QTMAN: variants seen among roughly 807,000 people sequenced by gnomAD.
The protein encoded by QTMAN is queuosine-tRNA mannosyltransferase.
the QTMAN span, among the ~76,000 whole-genome samples, chr2:144,318,393 A>C: frequency 6.6e-6 from 1 of 152,240 alleles, no homozygotes; most frequent in Non-Finnish European, 1.5e-5. Flanking sequence ...AGAATCCAGA[A>C]CATCCCTTTC....
the QTMAN span, among the ~76,000 whole-genome samples, chr2:144,244,333 G>A: frequency 6.6e-6 from 1 of 152,180 alleles, no homozygotes; most frequent in Non-Finnish European, 1.5e-5. Context: ...GGGCAGGTGT[G>A]CTGATCTCTA....
chr2:144,222,830 A>G, the QTMAN span, among the ~76,000 whole-genome samples: 1 of 152,156 alleles, frequency 6.6e-6, no homozygotes, highest in African/African-American at 2.4e-5. Flanking sequence ...AGAAAGCTGG[A>G]AAATGTTATT....
the QTMAN span, among the ~76,000 whole-genome samples, chr2:144,027,976 G>A: frequency 9.2e-5 from 14 of 152,138 alleles, no homozygotes; most frequent in East Asian, 9.6e-4. Flanking sequence ...TGTGGGGGCC[G>A]TTAGTATCTA....
the QTMAN span, among the ~76,000 whole-genome samples, chr2:144,165,871 C>T: frequency 3.9e-5 from 6 of 152,106 alleles, no homozygotes; most frequent in East Asian, 1.9e-4. Context: ...GTCCCTTCAA[C>T]GTCATCCTTA....
At chr2:144,197,854 T>A in the QTMAN span, among the ~76,000 whole-genome samples, 1 of 152,216 alleles carries the variant, frequency 6.6e-6, no homozygotes. Flanking sequence ...CTATCCAGTT[T>A]TCCTTGCCTC....
chr2:143,991,768 C>T, the QTMAN span, among the ~76,000 whole-genome samples: 5 of 144,548 alleles, frequency 3.5e-5, no homozygotes, highest in Non-Finnish European at 7.6e-5. Context: ...CCAGCCGCCC[C>T]GTCTGGGAGG....
chr2:144,277,349 C>T, the QTMAN span, among the ~76,000 whole-genome samples: 1 of 152,010 alleles, frequency 6.6e-6, no homozygotes, highest in African/African-American at 2.4e-5. Context: ...ATCCCAACTC[C>T]ACCCCCACCA....
At chr2:144,089,454 A>G in the QTMAN span, among the ~76,000 whole-genome samples, 1 of 152,016 alleles carries the variant, frequency 6.6e-6, no homozygotes, top group Non-Finnish European at 1.5e-5. Context: ...GTATCTACCT[A>G]GAGTAAAAAC....
At chr2:144,021,333 A>C in the QTMAN span, among the ~76,000 whole-genome samples, 1 of 152,238 alleles carries the variant, frequency 6.6e-6, no homozygotes, top group African/African-American at 2.4e-5. Context: ...TAAGAGTTCA[A>C]TACTTGGTCC....
At chr2:144,203,319 G>A in the QTMAN span, among the ~76,000 whole-genome samples, 1 of 152,272 alleles carries the variant, frequency 6.6e-6, no homozygotes, top group Non-Finnish European at 1.5e-5. Context: ...TCCTATTTCA[G>A]TAGATTTGTG....
the QTMAN span, among the ~76,000 whole-genome samples, chr2:143,959,171 G>GAACT: frequency 1.3e-5 from 2 of 151,884 alleles, no homozygotes; most frequent in Admixed American, 1.3e-4. Flanking sequence ...ATGATAAAAT[G>GAACT]AACTGTAAAG....
At chr2:144,062,613 G>A in the QTMAN span, among the ~76,000 whole-genome samples, 1 of 152,006 alleles carries the variant, frequency 6.6e-6, no homozygotes, top group African/African-American at 2.4e-5. Context: ...TTTTACTAAG[G>A]GCTTTCTAAT....
At chr2:144,291,840 A>G in the QTMAN span, among the ~76,000 whole-genome samples, 1 of 152,222 alleles carries the variant, frequency 6.6e-6, no homozygotes, top group South Asian at 2.1e-4. Flanking sequence ...CTGAATCATT[A>G]AAATAGTCTC....
At chr2:144,169,699 C>T in the QTMAN span, among the ~76,000 whole-genome samples, 1 of 151,924 alleles carries the variant, frequency 6.6e-6, no homozygotes. Context: ...TGTGTATGTA[C>T]ATTTTAATAA....
the QTMAN span, among the ~76,000 whole-genome samples, chr2:144,027,000 G>T: frequency 6.6e-6 from 1 of 152,148 alleles, no homozygotes; most frequent in Admixed American, 6.5e-5. Context: ...AAAGTCATTT[G>T]TGATCCTCTG....
At chr2:144,151,193 C>T in the QTMAN span, among the ~76,000 whole-genome samples, 1 of 152,054 alleles carries the variant, frequency 6.6e-6, no homozygotes, top group Admixed American at 6.6e-5. Flanking sequence ...TACATTATTG[C>T]ATACTTTCAT....
At chr2:144,160,218 T>C in the QTMAN span, among the ~76,000 whole-genome samples, 2 of 152,104 alleles carry the variant, frequency 1.3e-5, no homozygotes, top group African/African-American at 2.4e-5. Flanking sequence ...CAGTGTCTCA[T>C]GCAAGAAAAA....
At chr2:143,999,612 T>C in the QTMAN span, among the ~76,000 whole-genome samples, 1 of 152,024 alleles carries the variant, frequency 6.6e-6, no homozygotes, top group African/African-American at 2.4e-5. Context: ...TGTCCATCCA[T>C]CCATTCATCC....
the QTMAN span, among the ~76,000 whole-genome samples, chr2:144,029,678 A>G: frequency 6.6e-5 from 10 of 152,338 alleles, no homozygotes; most frequent in Non-Finnish European, 1.3e-4. Flanking sequence ...GGGAGACAAG[A>G]AAAAGAAAAA....
Sources: gnomAD v4.1 joint callset for allele counts (sites outside exome capture counted in the v4.1 genomes callset) on GRCh38, gnomAD v4.1.1 for gene constraint, MANE v1.5 for transcripts, NCBI Gene and HGNC (gene_info 2026-07-23, HGNC 2026-07-21) for gene names.